Variants in CPSF2 observed in about 807,000 individuals in gnomAD.
CPSF2 encodes the protein cleavage and polyadenylation specificity factor subunit 2.
A neutral mutation model predicts 84.2 loss-of-function variants in CPSF2; 51 were observed. That is an observed-to-expected ratio of 0.61 (90% confidence interval 0.48 to 0.77). CPSF2 has a LOEUF of 0.77. Ranked by LOEUF, CPSF2 falls within the 30% of genes least tolerant of loss-of-function variation. CPSF2 has a pLI of 0.00. For missense variants in CPSF2, 641 were observed against 929.4 expected (o/e 0.69, Z 4.03); for synonymous variants, 286 against 311.9 (o/e 0.92, Z 0.87).
In CPSF2 at chr14:92,166,510, C is replaced by G. The variant is rs1182802013; in HGVS notation, c.*4766C>G. 1 of 152,074 alleles carries G rather than the reference C, an allele frequency of 6.6e-6. No individual in the cohort carries two copies. Among genetic ancestry groups the G allele is most frequent in the Non-Finnish European group, 1.5e-5 (1 of 68,030 alleles). 9.4% of individuals were successfully genotyped at this position (152,074 alleles called of 1,614,324 possible). On this transcript the variant is annotated 3_prime_UTR_variant, in exon 16 of 16. Transcript: ENST00000298875. ...TACAAGTGTGTGCCACCATGCCTGA[C>G]TAATTTTTAAAATTTTTTTGTGAAG...
intron 10 of CPSF2, among the ~76,000 whole-genome samples, chr14:92,154,728 G>A (rs2069266346): frequency 6.6e-6 from 1 of 152,202 alleles, no homozygotes; most frequent in African/African-American, 2.4e-5. Context: ...TGAGAAAAGT[G>A]TCGTTAGGGG....
Position 92,161,141 on chromosome 14 carries a change from T to G in CPSF2, c.2151T>G (p.Asn717Lys). The G allele has an allele frequency of 1.9e-6, 3 of 1,613,820 alleles. No homozygotes were observed. Among genetic ancestry groups the G allele is most frequent in the Non-Finnish European group, 2.5e-6 (3 of 1,179,900 alleles). Reference sequence around the variant, plus strand: ...CTGGACATCAGTCAGTTTTTATGAATGAACCAAGGCTGTCAGACTTCAAGC... The same window carrying G: ...CTGGACATCAGTCAGTTTTTATGAAGGAACCAAGGCTGTCAGACTTCAAGC... Reference protein sequence around the residue: ...EVPGHQSVFMNEPRLSDFKQV... With the variant: ...EVPGHQSVFMKEPRLSDFKQV... Residue 717 changes from asparagine to lysine, a missense_variant, in exon 15 of 16, where the codon AAT becomes AAG. Asn to Lys is a moderately conservative substitution (Grantham distance 94, BLOSUM62 0). Around this residue, in one of 2 missense-constraint regions of CPSF2, gnomAD observed 430 missense variants for 553.6 expected, o/e 0.78. Transcript: ENST00000298875.
Position 92,140,424 on chromosome 14 carries a change from A to AC in CPSF2, c.662-1735dup, listed in dbSNP as rs559677524. On this transcript the variant is annotated intron_variant, in intron 7 of 15. Transcript: ENST00000298875. Reference sequence around the variant, plus strand: ...AGACCAGCCTGGGTAACATAGTGAGACCCCCATCTCTTTTTTTTTTTTTTT... The same window carrying AC: ...AGACCAGCCTGGGTAACATAGTGAGACCCCCCATCTCTTTTTTTTTTTTTTT... Among the ~76,000 whole-genome samples, 155 of 132,054 alleles carry AC rather than the reference A, an allele frequency of 1.2e-3. 2 individuals are homozygous for AC. The South Asian group carries it at 0.024, about 20-fold the overall frequency. 86.6% of individuals were successfully genotyped at this position (132,054 alleles called of 152,430 possible). A position where few individuals can be genotyped will look rare whatever the true frequency, so the allele number is the denominator to read the frequency against.
At chr14:92,136,780 A>G (rs184604978) in intron 6 of CPSF2, among the ~76,000 whole-genome samples, 6 of 152,302 alleles carry the variant, frequency 3.9e-5, no homozygotes, top group Non-Finnish European at 5.9e-5. Flanking sequence ...CAGCATGGCT[A>G]TTTGAGTAAA....
intron 7 of CPSF2, among the ~76,000 whole-genome samples, chr14:92,141,210 A>T (rs1223688617): frequency 6.6e-6 from 1 of 152,222 alleles, no homozygotes; most frequent in Non-Finnish European, 1.5e-5. Context: ...GCAATAGTTT[A>T]AAAAATATAA....
At chr14:92,142,870 T>C in intron 8 of CPSF2, 134 bp from the exon 9 acceptor site, 1 of 768,964 alleles carries the variant, frequency 1.3e-6, no homozygotes, top group Non-Finnish European at 2.0e-6. Flanking sequence ...GAAAATAAGC[T>C]GCTTGTCAAA....
rs142374268 is a variant in CPSF2, at chr14:92,157,521, AAAAAT to A, written c.1596-129_1596-125del. 2,573 of 649,882 alleles carry A rather than the reference AAAAAT, an allele frequency of 4.0e-3. 51 individuals are homozygous for A. The African/African-American group carries it at 0.041, about 10-fold the overall frequency. 40.3% of individuals were successfully genotyped at this position (649,882 alleles called of 1,614,324 possible). The stretch of plus-strand genomic sequence containing the variant: ...GACCCAATCTCAGAAAAATAAAAAC[AAAAAT>A]AAAATAAATCATACAGATACTATAA... On this transcript the variant is annotated intron_variant, in intron 12 of 15. Coordinates refer to ENST00000298875, the MANE Select transcript of CPSF2 (RefSeq NM_017437.3). The surrounding 1 kb of genome is among the most constrained non-coding windows in gnomAD (Gnocchi z 4.0).
Position 92,163,299 on chromosome 14 carries a change from T to C in CPSF2, c.*1555T>C, listed in dbSNP as rs2069399145. 1 of 152,552 alleles carries C rather than the reference T, an allele frequency of 6.6e-6. No homozygotes were observed. The highest frequency in any genetic ancestry group is 1.5e-5 in the Non-Finnish European group (1 of 68,040). The allele number at this position is 152,552 out of a possible 1,614,324, so 9.4% of individuals were successfully genotyped here. A position where few individuals can be genotyped will look rare whatever the true frequency, so the allele number is the denominator to read the frequency against. On this transcript the variant is annotated 3_prime_UTR_variant, in exon 16 of 16. Coordinates refer to ENST00000298875, the MANE Select transcript of CPSF2 (RefSeq NM_017437.3). ...AATTACTATTTCATTCTATTTCAAATGCTTATAAAGCTACTATTGTAGATT... is the reference window on the plus strand; with the variant it reads ...AATTACTATTTCATTCTATTTCAAACGCTTATAAAGCTACTATTGTAGATT...
At chr14:92,137,600 G>T (rs1315022703) in intron 6 of CPSF2, among the ~76,000 whole-genome samples, 1 of 152,156 alleles carries the variant, frequency 6.6e-6, no homozygotes, top group African/African-American at 2.4e-5. Context: ...GTTAAATCTT[G>T]CTGGAAAGCC....
chr14:92,135,160 A>G (rs1299257215), intron 5 of CPSF2, among the ~76,000 whole-genome samples: 2 of 152,234 alleles, frequency 1.3e-5, no homozygotes, highest in East Asian at 1.9e-4. Context: ...TACATAATAT[A>G]GTAACAAGAA....
Position 92,158,303 on chromosome 14 carries a change from C to T in CPSF2, c.1821+419C>T, listed in dbSNP as rs118058483. ...GAATTCAAAAGTTTTAGAAGAATTC[C>T]CGGATATCAAGGTTCTACTCCTAAT... On this transcript the variant is annotated intron_variant, in intron 13 of 15. Coordinates refer to ENST00000298875, the MANE Select transcript of CPSF2 (RefSeq NM_017437.3). Among the ~76,000 whole-genome samples the T allele has an allele frequency of 2.4e-3, 370 of 152,096 alleles. 14 individuals carry two copies. In the East Asian group the frequency reaches 0.032, roughly 13 times the overall value.
At chr14:92,125,673 C>G (rs931122894) in intron 1 of CPSF2, among the ~76,000 whole-genome samples, 1 of 152,018 alleles carries the variant, frequency 6.6e-6, no homozygotes, top group Non-Finnish European at 1.5e-5. Flanking sequence ...TAGGCCTTAT[C>G]TTTTATTTTT....
chr14:92,158,610 G>C (rs937667718), intron 13 of CPSF2, among the ~76,000 whole-genome samples: 2 of 152,212 alleles, frequency 1.3e-5, no homozygotes, highest in Non-Finnish European at 2.9e-5. Context: ...GTGATCAGTG[G>C]TTCTCAACCT....
At chr14:92,148,481 A>G (rs997257935) in intron 9 of CPSF2, among the ~76,000 whole-genome samples, 1 of 152,016 alleles carries the variant, frequency 6.6e-6, no homozygotes, top group African/African-American at 2.4e-5. Context: ...TTCACCTTTT[A>G]CCGATGACCA....
At position 92,169,238 on chromosome 14, in the gene CPSF2, G is replaced by A. The variant is rs1482835681; in HGVS notation, c.*7494G>A. On this transcript the variant is annotated 3_prime_UTR_variant, in exon 16 of 16. Coordinates refer to ENST00000298875, the MANE Select transcript of CPSF2 (RefSeq NM_017437.3). ...CAGGTCTATTTAATAAGCTTGTTAG[G>A]AATATTGTAAATTATTTTAGAAACA... 1.3e-5 allele frequency: 2 copies of A among 152,070 alleles called. No homozygotes were observed. The highest frequency in any genetic ancestry group is 3.9e-4 in the East Asian group (2 of 5,188). The allele number at this position is 152,070 out of a possible 1,614,324, so 9.4% of individuals were successfully genotyped here. A position where few individuals can be genotyped will look rare whatever the true frequency, so the allele number is the denominator to read the frequency against.
Position 92,134,012 on chromosome 14 carries a change from C to T in CPSF2, c.151C>T (p.His51Tyr), listed in dbSNP as rs2068968224. ...GTCCTTTGGATTGTGTTCTTGTAGG[C>T]ATGTTCACCAGATTGATGCAGTGCT... is the stretch of plus-strand genomic sequence containing the variant. ...SMDIIDSLRKHVHQIDAVLLS... is the reference protein window; with the variant it reads ...SMDIIDSLRKYVHQIDAVLLS... Residue 51 changes from histidine to tyrosine, a missense_variant and splice_region_variant, in exon 4 of 16, where the codon CAT becomes TAT. His to Tyr is a moderately conservative substitution (Grantham distance 83, BLOSUM62 2). Coordinates refer to ENST00000298875, the MANE Select transcript of CPSF2 (RefSeq NM_017437.3). 3 of 1,613,922 alleles carry T rather than the reference C, an allele frequency of 1.9e-6. No individual in the cohort carries two copies. In the Middle Eastern group the frequency reaches 5.0e-4, roughly 266 times the overall value.
In CPSF2 at chr14:92,168,583, A is replaced by G. The variant is rs2069481051; in HGVS notation, c.*6839A>G. On this transcript the variant is annotated 3_prime_UTR_variant, in exon 16 of 16. Coordinates refer to ENST00000298875, the MANE Select transcript of CPSF2 (RefSeq NM_017437.3). ...AAGTCAAAATGGGATTCCAAAGAGC[A>G]AAATAGAAGTTTGGAGAGTTTGAAA... The G allele has an allele frequency of 6.6e-6, 1 of 152,148 alleles. No individual in the cohort carries two copies. Among genetic ancestry groups the G allele is most frequent in the Non-Finnish European group, 1.5e-5 (1 of 68,024 alleles). The allele number at this position is 152,148 out of a possible 1,614,324, so 9.4% of individuals were successfully genotyped here. A position where few individuals can be genotyped will look rare whatever the true frequency, so the allele number is the denominator to read the frequency against.
At position 92,157,546 on chromosome 14, in the gene CPSF2, C is replaced by A; in HGVS notation, c.1596-113C>A. The A allele has an allele frequency of 3.0e-6, 2 of 675,462 alleles. No individual in the cohort carries two copies. The highest frequency in any genetic ancestry group is 4.0e-5 in the South Asian group (2 of 49,684). The allele number at this position is 675,462 out of a possible 1,614,324, so 41.8% of individuals were successfully genotyped here. A position where few individuals can be genotyped will look rare whatever the true frequency, so the allele number is the denominator to read the frequency against. ...AAAAATAAAATAAATCATACAGATA[C>A]TATAACATGTGTATTTCTCAAATCC... On this transcript the variant is annotated intron_variant, in intron 12 of 15. Transcript: ENST00000298875. This position sits in a 1 kb window ranked among gnomAD's most constrained non-coding sequence, Gnocchi z 4.0.
rs566572661 is a variant in CPSF2 at position 92,167,682 on chromosome 14, G to A, written c.*5938G>A. The A allele has an allele frequency of 1.3e-5, 2 of 152,298 alleles. No individual in the cohort carries two copies. The highest frequency in any genetic ancestry group is 4.8e-5 in the African/African-American group (2 of 41,580). 9.4% of individuals were successfully genotyped at this position (152,298 alleles called of 1,614,324 possible). On this transcript the variant is annotated 3_prime_UTR_variant, in exon 16 of 16. Coordinates refer to ENST00000298875, the MANE Select transcript of CPSF2 (RefSeq NM_017437.3). ...GTTATTTAGGACAGTGGCATGCTGA[G>A]AAATAGATTGATTTCTATTCTATAC...
Sources: allele counts gnomAD v4.1 joint callset (sites outside exome capture counted in the v4.1 genomes callset), GRCh38; gene constraint gnomAD v4.1.1; regional missense constraint gnomAD v4.1.1; non-coding constraint Gnocchi (gnomAD v3.1); transcripts MANE v1.5; gene names NCBI Gene and HGNC (gene_info 2026-07-23, HGNC 2026-07-21).